EYS: variants seen among roughly 807,000 people sequenced by gnomAD.
The protein encoded by EYS is protein eyes shut homolog.
EYS carries 250 observed loss-of-function variants against 282.1 expected under a neutral mutation model. The observed-to-expected ratio is 0.89, with a 90% CI of 0.80 to 0.98. EYS has a LOEUF of 0.98. EYS is among the 50% of genes least tolerant of loss of function. The pLI, the probability that EYS is intolerant of heterozygous loss-of-function variation, is 0.00. For synonymous variants in EYS, 1,355 were observed against 1,282.9 expected (o/e 1.06, Z -1.20); for missense variants, 4,016 against 3,709.0 (o/e 1.08, Z -2.15).
rs369101697 is a variant in EYS, at chr6:64,157,281, T to C, written c.6424+73311A>G. ...GTGTATATGTTCCACATTTTCTTAA[T>C]CCAGTCTATCATTGTTGGACATTTG... On this transcript the variant is annotated intron_variant, in intron 31 of 42. Coordinates refer to ENST00000503581, the MANE Select transcript of EYS (RefSeq NM_001142800.2). Among the ~76,000 whole-genome samples the C allele has an allele frequency of 3.3e-5, 5 of 152,132 alleles. No individual in the cohort carries two copies. In the South Asian group the frequency reaches 1.0e-3, roughly 31 times the overall value.
At chr6:65,426,869 A>C (rs1258588250) in intron 5 of EYS, among the ~76,000 whole-genome samples, 1 of 152,108 alleles carries the variant, frequency 6.6e-6, no homozygotes, top group African/African-American at 2.4e-5. Context: ...CTAAAAATGA[A>C]TCTTTTGTTT....
chr6:65,095,323 C>T (rs1260650768), intron 12 of EYS, among the ~76,000 whole-genome samples: 1 of 150,718 alleles, frequency 6.6e-6, no homozygotes, highest in African/African-American at 2.4e-5. Flanking sequence ...ATAATAATTT[C>T]AAGACATCTA....
intron 11 of EYS, among the ~76,000 whole-genome samples, chr6:65,319,204 CAAA>C (rs55687610): frequency 4.5e-5 from 2 of 44,396 alleles, no homozygotes; most frequent in Non-Finnish European, 8.0e-5. Context: ...ACTAAAAATG[CAAA>C]AAAAAAAAAA....
intron 31 of EYS, among the ~76,000 whole-genome samples, chr6:64,125,916 C>CTTT (rs111945672): frequency 2.8e-5 from 4 of 140,668 alleles, no homozygotes; most frequent in South Asian, 2.3e-4. Context: ...CTATTCTCTT[C>CTTT]TTTTTTTTTT....
At chr6:63,791,663 A>G (rs867680014) in intron 37 of EYS, among the ~76,000 whole-genome samples, 29 of 152,094 alleles carry the variant, frequency 1.9e-4, no homozygotes, top group African/African-American at 6.5e-4. Context: ...GGAAACTGAA[A>G]AGGGAGAAAG....
At chr6:63,946,726 ATTTTTTTT>A (rs10580253) in intron 35 of EYS, among the ~76,000 whole-genome samples, 3 of 135,658 alleles carry the variant, frequency 2.2e-5, no homozygotes, top group Non-Finnish European at 3.2e-5. Context: ...TTTATGAACT[ATTTTTTTT>A]TTTTTTTTTT....
chr6:64,570,506 TAA>T (rs1343511380), intron 26 of EYS, among the ~76,000 whole-genome samples: 1 of 152,046 alleles, frequency 6.6e-6, no homozygotes, highest in African/African-American at 2.4e-5. Context: ...GAAAATTGGA[TAA>T]AGAGTGAAGA....
chr6:64,493,187 A>T (rs1776788844), intron 26 of EYS, among the ~76,000 whole-genome samples: 1 of 151,470 alleles, frequency 6.6e-6, no homozygotes, highest in South Asian at 2.1e-4. Context: ...ATTATCTAAT[A>T]ATAAACAGCT....
At chr6:64,140,910 C>A (rs4573063) in intron 31 of EYS, among the ~76,000 whole-genome samples, 41,630 of 151,984 alleles carry the variant, frequency 0.27, 7,105 homozygotes, top group South Asian at 0.42. Flanking sequence ...CCTACTGGGA[C>A]CCTGACTCAG....
At chr6:64,487,143 T>C (rs1226729080) in intron 26 of EYS, among the ~76,000 whole-genome samples, 4 of 151,192 alleles carry the variant, frequency 2.6e-5, no homozygotes, top group African/African-American at 9.7e-5. Context: ...AGAGATTTAT[T>C]GGCACTTAAT....
chr6:64,446,975 A>C (rs1775136287), intron 26 of EYS, among the ~76,000 whole-genome samples: 1 of 123,656 alleles, frequency 8.1e-6, no homozygotes, highest in African/African-American at 2.8e-5. Context: ...TGTATAATGT[A>C]TGTGTGTGTG....
Position 63,772,152 on chromosome 6 carries a change from T to A in EYS, c.7898+5854A>T, listed in dbSNP as rs537552461. Among the ~76,000 whole-genome samples, 484 of 150,156 alleles carry A rather than the reference T, an allele frequency of 3.2e-3. 1 individual carries two copies. The highest frequency in any genetic ancestry group is 7.2e-3 in the East Asian group (37 of 5,150). On this transcript the variant is annotated intron_variant, in intron 40 of 42. Transcript: ENST00000503581. ...TAGCAGATATAGCTGGGAAATTTTT[T>A]AAAAAAAAAGAAAGATTTTTTTTTT... is the stretch of plus-strand genomic sequence containing the variant.
At chr6:64,836,309 T>C (rs1169882837) in intron 19 of EYS, among the ~76,000 whole-genome samples, 2 of 150,670 alleles carry the variant, frequency 1.3e-5, no homozygotes, top group African/African-American at 2.4e-5. Context: ...TATATATATA[T>C]ACACACTATA....
chr6:65,154,507 C>T (rs115044225), intron 12 of EYS, among the ~76,000 whole-genome samples: 1,656 of 151,272 alleles, frequency 0.011, 29 homozygotes, highest in African/African-American at 0.038. Context: ...ATGACAGATC[C>T]GATATAAAGT....
intron 26 of EYS, among the ~76,000 whole-genome samples, chr6:64,537,178 C>G: frequency 8.2e-6 from 1 of 121,642 alleles, no homozygotes; most frequent in African/African-American, 3.2e-5. Flanking sequence ...CCACAACAGT[C>G]CCCAGAGTGT....
At chr6:64,896,088 G>T (rs913292629) in intron 18 of EYS, among the ~76,000 whole-genome samples, 3 of 151,942 alleles carry the variant, frequency 2.0e-5, no homozygotes, top group African/African-American at 7.3e-5. Flanking sequence ...CATATATAAG[G>T]ATTCTTACAA....
intron 31 of EYS, among the ~76,000 whole-genome samples, chr6:64,220,162 C>T (rs553517598): frequency 6.6e-6 from 1 of 152,090 alleles, no homozygotes; most frequent in East Asian, 1.9e-4. Context: ...GCACATGTAC[C>T]CTAAAACTTA....
At chr6:63,797,416 G>A (rs1190008427) in intron 37 of EYS, 2 of 152,174 alleles carry the variant, frequency 1.3e-5, no homozygotes, top group East Asian at 3.8e-4. Context: ...GAGTGATATA[G>A]GATTCTAGAC....
intron 26 of EYS, among the ~76,000 whole-genome samples, chr6:64,498,924 G>A (rs542482382): frequency 6.6e-6 from 1 of 152,228 alleles, no homozygotes; most frequent in African/African-American, 2.4e-5. Flanking sequence ...CAATAAACAC[G>A]TGTGCATGTG....
Sources: allele counts gnomAD v4.1 joint callset (sites outside exome capture counted in the v4.1 genomes callset), GRCh38; gene constraint gnomAD v4.1.1; transcripts MANE v1.5; gene names NCBI Gene and HGNC (gene_info 2026-07-23, HGNC 2026-07-21).